SMIM28: variants seen among roughly 807,000 people sequenced by gnomAD.
SMIM28 encodes small integral membrane protein 28.
chr6:138,381,947 G>C (rs927961305), intron 1 of SMIM28, among the ~76,000 whole-genome samples: 2 of 152,114 alleles, frequency 1.3e-5, no homozygotes, highest in Non-Finnish European at 2.9e-5. Context: ...TATACTTTTT[G>C]ACATATACTT....
chr6:138,382,732 A>G lies in SMIM28; in HGVS notation c.344A>G (p.Tyr115Cys), dbSNP rs866194402. 2.5e-6 allele frequency: 1 copy of G among 397,808 alleles called. No homozygotes were observed. The highest frequency in any genetic ancestry group is 2.1e-5 in the African/African-American group (1 of 48,322). The allele number at this position is 397,808 out of a possible 1,614,324, so 24.6% of individuals were successfully genotyped here. A position where few individuals can be genotyped will look rare whatever the true frequency, so the allele number is the denominator to read the frequency against. ...GCCTGGAGCAGTGAGGACTTCCCCT[A>G]CTCCCCACTGCCCCCGGAGGCCACT... ...GLAWSSEDFPYSPLPPEATLP... is the reference protein window; with the variant it reads ...GLAWSSEDFPCSPLPPEATLP... The change falls in exon 2 of 2, where the codon TAC becomes TGC. Residue 115 changes from tyrosine to cysteine, a missense_variant. Tyr to Cys is a radical substitution (Grantham distance 194, BLOSUM62 -2). Transcript: ENST00000573100.
At chr6:138,381,530 C>A (rs974858910) in intron 1 of SMIM28, among the ~76,000 whole-genome samples, 11 of 151,990 alleles carry the variant, frequency 7.2e-5, no homozygotes, top group African/African-American at 2.7e-4. Flanking sequence ...ATTATAAAAT[C>A]GATACCTTTT....
intron 1 of SMIM28, among the ~76,000 whole-genome samples, chr6:138,380,870 C>T (rs2114742670): frequency 6.6e-6 from 1 of 152,098 alleles, no homozygotes; most frequent in South Asian, 2.1e-4. Flanking sequence ...AAGGAGTGAA[C>T]CTCATCTCTC....
intron 1 of SMIM28, among the ~76,000 whole-genome samples, 152 bp downstream of exon 1, chr6:138,378,335 C>G (rs1200505345): frequency 6.6e-6 from 1 of 152,124 alleles, no homozygotes; most frequent in African/African-American, 2.4e-5. Flanking sequence ...TTGGCATGGT[C>G]TAAAGGGGAT....
rs946542593 is a variant in SMIM28 at position 138,377,973 on chromosome 6, C to A, written c.-100C>A. 7.6e-6 allele frequency: 3 copies of A among 397,208 alleles called. No homozygotes were observed. The highest frequency in any genetic ancestry group is 1.3e-5 in the Non-Finnish European group (3 of 225,636). 24.6% of individuals were successfully genotyped at this position (397,208 alleles called of 1,614,324 possible). A position where few individuals can be genotyped will look rare whatever the true frequency, so the allele number is the denominator to read the frequency against. ...GGACGAGTTTACCAACAGCCATCAG[C>A]CAAGCACATCCAAACTGGATCCAGG... On this transcript the variant is annotated 5_prime_UTR_variant, in exon 1 of 2. Transcript: ENST00000573100.
Position 138,377,918 on chromosome 6 carries a change from G to A in SMIM28, c.-155G>A, listed in dbSNP as rs1243856145. 5.1e-6 allele frequency: 2 copies of A among 394,764 alleles called. No individual in the cohort carries two copies. The highest frequency in any genetic ancestry group is 8.9e-6 in the Non-Finnish European group (2 of 224,252). 24.5% of individuals were successfully genotyped at this position (394,764 alleles called of 1,614,324 possible). A position where few individuals can be genotyped will look rare whatever the true frequency, so the allele number is the denominator to read the frequency against. ...TCAGTCCTGAGAGGTCTCTCTGGTT[G>A]GTTTCTTTCCCCTGTTGCCATTCAT... On this transcript the variant is annotated 5_prime_UTR_variant, in exon 1 of 2. Transcript: ENST00000573100.
chr6:138,382,289 C>T lies in SMIM28; in HGVS notation c.112-211C>T, dbSNP rs187538886. Among the ~76,000 whole-genome samples, 1,198 of 150,718 alleles carry T rather than the reference C, an allele frequency of 7.9e-3. 5 individuals are homozygous for T. The highest frequency in any genetic ancestry group is 0.014 in the Middle Eastern group (4 of 290). ...GCGCATGCCTGTAATGCCAGCTACT[C>T]GGGAGGCTGAGGCAGGAGAATTGCT... On this transcript the variant is annotated intron_variant, in intron 1 of 1. Transcript: ENST00000573100.
At chr6:138,380,921 G>A (rs891420634) in intron 1 of SMIM28, among the ~76,000 whole-genome samples, 1 of 141,426 alleles carries the variant, frequency 7.1e-6, no homozygotes, top group Non-Finnish European at 1.5e-5. Context: ...TTTTTTTTTT[G>A]AGACGGAGTC....
rs113724558 is a variant in SMIM28 at position 138,380,911 on chromosome 6, T to G, written c.112-1589T>G. Among the ~76,000 whole-genome samples the G allele has an allele frequency of 6.9e-3, 1,005 of 146,580 alleles. 8 individuals carry two copies. The highest frequency in any genetic ancestry group is 0.019 in the African/African-American group (743 of 39,874). On this transcript the variant is annotated intron_variant, in intron 1 of 1. Transcript: ENST00000573100. Reference sequence around the variant, plus strand: ...TTATGAGGGTTTTTTTTGTGTGTGTTTTTTTTTTTGAGACGGAGTCTCACT... The same window carrying G: ...TTATGAGGGTTTTTTTTGTGTGTGTGTTTTTTTTTGAGACGGAGTCTCACT...
chr6:138,383,082 AG>A lies in SMIM28; in HGVS notation c.*237del, dbSNP rs1353481629. On this transcript the variant is annotated 3_prime_UTR_variant, in exon 2 of 2. Coordinates refer to ENST00000573100, the MANE Select transcript of SMIM28 (RefSeq NM_001368163.3). ...CACATTCCTTAGGGGAAAGTTTCCC[AG>A]GTTCTTCTAAAGATGACTGCACTCT... is the stretch of plus-strand genomic sequence containing the variant. The A allele has an allele frequency of 2.9e-6, 1 of 340,592 alleles. No homozygotes were observed. Among genetic ancestry groups the A allele is most frequent in the African/African-American group, 2.1e-5 (1 of 47,406 alleles). 21.1% of individuals were successfully genotyped at this position (340,592 alleles called of 1,614,324 possible). A position where few individuals can be genotyped will look rare whatever the true frequency, so the allele number is the denominator to read the frequency against.
chr6:138,381,194 C>G (rs943230121), intron 1 of SMIM28, among the ~76,000 whole-genome samples: 1 of 152,202 alleles, frequency 6.6e-6, no homozygotes, highest in Non-Finnish European at 1.5e-5. Flanking sequence ...GCATGAGCCA[C>G]TGAGCCTGGC....
chr6:138,380,910 T>A (rs1293516983), intron 1 of SMIM28, among the ~76,000 whole-genome samples: 1 of 145,904 alleles, frequency 6.9e-6, no homozygotes, highest in Admixed American at 6.8e-5. Flanking sequence ...TTTGTGTGTG[T>A]TTTTTTTTTT....
At chr6:138,382,396 CAAAAAAAAAAAA>C (rs59155652) in intron 1 of SMIM28, 92 bp from the exon 2 acceptor site, 2 of 135,736 alleles carry the variant, frequency 1.5e-5, no homozygotes, top group African/African-American at 8.0e-5. Flanking sequence ...GACTGTGTCT[CAAAAAAAAAAAA>C]AAAAAAAAAG....
At chr6:138,378,683 TTGTC>T (rs1456512299) in intron 1 of SMIM28, among the ~76,000 whole-genome samples, 1 of 152,190 alleles carries the variant, frequency 6.6e-6, no homozygotes, top group Non-Finnish European at 1.5e-5. Flanking sequence ...TGCTTTTGCT[TTGTC>T]TGGCAAATCA....
At position 138,382,609 on chromosome 6, in the gene SMIM28, G is replaced by T. The variant is rs894336236; in HGVS notation, c.221G>T (p.Arg74Leu). 11 of 398,626 alleles carry T rather than the reference G, an allele frequency of 2.8e-5. No homozygotes were observed. The Admixed American group carries it at 4.4e-4, about 16-fold the overall frequency. The allele number at this position is 398,626 out of a possible 1,614,324, so 24.7% of individuals were successfully genotyped here. Reference sequence around the variant, plus strand: ...GCATTTCTGCTGCTGTTCCTGTACCGCCGCTGCAAGTCCCCACCGCCCCAG... The same window carrying T: ...GCATTTCTGCTGCTGTTCCTGTACCTCCGCTGCAAGTCCCCACCGCCCCAG... ...FLAFLLLFLYRRCKSPPPQGQ... is the reference protein window; with the variant it reads ...FLAFLLLFLYLRCKSPPPQGQ... Residue 74 changes from arginine to leucine, a missense_variant, in exon 2 of 2, where the codon CGC (arginine) becomes CTC (leucine). Physicochemically the swap from Arg to Leu is moderately radical, Grantham distance 102. Coordinates refer to ENST00000573100, the MANE Select transcript of SMIM28 (RefSeq NM_001368163.3).
intron 1 of SMIM28, among the ~76,000 whole-genome samples, chr6:138,379,947 ATATG>A (rs1423117320): frequency 6.6e-5 from 10 of 152,310 alleles, no homozygotes; most frequent in Admixed American, 5.2e-4. Flanking sequence ...TTTTCTGAAA[ATATG>A]TATTTATTAA....
At chr6:138,381,761 TTAAG>T (rs1242055910) in intron 1 of SMIM28, among the ~76,000 whole-genome samples, 19 of 152,220 alleles carry the variant, frequency 1.2e-4, no homozygotes, top group African/African-American at 3.9e-4. Flanking sequence ...ATTAAAGAAC[TTAAG>T]TGAGTCCCAC....
At position 138,383,070 on chromosome 6, in the gene SMIM28, G is replaced by C. The variant is rs945725443; in HGVS notation, c.*223G>C. The C allele has an allele frequency of 2.8e-6, 1 of 359,860 alleles. No individual in the cohort carries two copies. The highest frequency in any genetic ancestry group is 2.1e-5 in the African/African-American group (1 of 47,818). 22.3% of individuals were successfully genotyped at this position (359,860 alleles called of 1,614,324 possible). A position where few individuals can be genotyped will look rare whatever the true frequency, so the allele number is the denominator to read the frequency against. ...TTAACCTATCTTCACATTCCTTAGG[G>C]GAAAGTTTCCCAGGTTCTTCTAAAG... On this transcript the variant is annotated 3_prime_UTR_variant, in exon 2 of 2. Transcript: ENST00000573100.
At chr6:138,381,636 A>T (rs1774313735) in intron 1 of SMIM28, among the ~76,000 whole-genome samples, 1 of 152,246 alleles carries the variant, frequency 6.6e-6, no homozygotes, top group South Asian at 2.1e-4. Flanking sequence ...AATTTAAAGA[A>T]TTTAAAAAAT....
Sources: allele counts gnomAD v4.1 joint callset (sites outside exome capture counted in the v4.1 genomes callset), GRCh38; gene constraint gnomAD v4.1.1; transcripts MANE v1.5; gene names NCBI Gene and HGNC (gene_info 2026-07-23, HGNC 2026-07-21).